The following NHSL1 variants were observed in gnomAD, a reference collection of about 807,000 sequenced individuals.
NHSL1 encodes the protein NHS like 1, also known as NHS-like protein 1.
In NHSL1, 48 loss-of-function variants were observed where a neutral mutation model predicts 95.0. The ratio of observed to expected loss-of-function variants is 0.51; its 90% CI spans 0.40 to 0.64. The LOEUF is 0.64. NHSL1 is among the 30% of genes least tolerant of loss of function. NHSL1 has a pLI of 0.00. For synonymous variants in NHSL1, 783 were observed against 833.9 expected, an observed-to-expected ratio of 0.94 and a Z score of 1.05; for missense variants, 1,971 against 2,077.7, an observed-to-expected ratio of 0.95 and a Z score of 1.00.
At chr6:138,499,579 G>T, upstream of NHSL1, 1 of 376,086 alleles carries the variant, frequency 2.7e-6, no homozygotes, top group South Asian at 5.2e-5. Context: ...GCCAATCACG[G>T]TTCTTATTTG....
chr6:138,603,153 A>G (rs553025124), intron 1 of NHSL1, among the ~76,000 whole-genome samples: 1 of 152,316 alleles, frequency 6.6e-6, no homozygotes, highest in Non-Finnish European at 1.5e-5. Context: ...AAAGCCAAAG[A>G]GTATATTGAG....
intron 1 of NHSL1, among the ~76,000 whole-genome samples, chr6:138,598,574 A>C (rs4316021): frequency 0.47 from 70,018 of 148,998 alleles, 18,791 homozygotes; most frequent in African/African-American, 0.73. Flanking sequence ...TGAGCCATGA[A>C]CATGCCACTG....
intron 1 of NHSL1, among the ~76,000 whole-genome samples, chr6:138,578,868 C>T (rs1379574633): frequency 6.6e-6 from 1 of 152,094 alleles, no homozygotes; most frequent in East Asian, 1.9e-4. Flanking sequence ...ACTATAATGC[C>T]CCTGAGGCCA....
chr6:138,429,997 G>C (rs758816501), intron 6 of NHSL1, among the ~76,000 whole-genome samples, 154 bp from the exon 7 acceptor site: 1 of 152,212 alleles, frequency 6.6e-6, no homozygotes, highest in Non-Finnish European at 1.5e-5. Context: ...TTACAAAGAA[G>C]GGAGGAAATG....
intron 2 of NHSL1, among the ~76,000 whole-genome samples, chr6:138,485,596 A>C (rs1356881026): frequency 6.6e-6 from 1 of 152,122 alleles, no homozygotes; most frequent in African/African-American, 2.4e-5. Flanking sequence ...CTTCTTTTGG[A>C]GTTACTGTAC....
chr6:138,677,534 C>A (rs1238515217), intron 1 of NHSL1, among the ~76,000 whole-genome samples: 1 of 152,200 alleles, frequency 6.6e-6, no homozygotes, highest in African/African-American at 2.4e-5. Flanking sequence ...TAAAACAAGA[C>A]TCACTGTTGC....
At chr6:138,437,443 CACAAAAAAAAAAAAAA>C (rs1334757260) in intron 5 of NHSL1, among the ~76,000 whole-genome samples, 29 of 41,598 alleles carry the variant, frequency 7.0e-4, no homozygotes, top group Admixed American at 2.2e-3. Context: ...CACACACACA[CACAAAAAAAAAAAAAA>C]AAAATACAAT....
At chr6:138,545,509 T>A in intron 1 of NHSL1, 2 of 734,702 alleles carry the variant, frequency 2.7e-6, no homozygotes, top group Non-Finnish European at 4.0e-6. Flanking sequence ...CTTACAAAAC[T>A]CCCTCAAACT....
chr6:138,429,834 G>A lies in NHSL1; in HGVS notation c.3962C>T (p.Pro1321Leu), dbSNP rs907532565. 4.5e-6 allele frequency: 7 copies of A among 1,551,026 alleles called. No individual in the cohort carries two copies. The highest frequency in any genetic ancestry group is 2.4e-5 in the South Asian group (2 of 83,962). Residue 1321 changes from proline to leucine, a missense_variant, in exon 7 of 8, where the codon CCG becomes CTG. This residue lies in a region of NHSL1 where 146 missense variants were observed against 206.3 expected (regional missense o/e 0.71). Transcript: ENST00000343505. ...GGATGAACCGGCTGCGTTGGTCTCC[G>A]GCACCCCAGCTACAGAAGAGCAGGC... ...LSQQDGAAGV[P>L]ETNAAGSSSE...
chr6:138,437,463 A>G (rs1267976631), intron 5 of NHSL1, among the ~76,000 whole-genome samples: 10 of 143,158 alleles, frequency 7.0e-5, no homozygotes, highest in Non-Finnish European at 1.4e-4. Context: ...AAAAAAAAAA[A>G]TACAATGCAC....
intron 4 of NHSL1, among the ~76,000 whole-genome samples, chr6:138,444,425 C>T (rs934763957): frequency 6.6e-5 from 10 of 152,086 alleles, no homozygotes; most frequent in African/African-American, 2.2e-4. Context: ...TTTATATGTA[C>T]ATATTAAGTA....
chr6:138,679,459 C>T (rs1431061578), intron 1 of NHSL1, among the ~76,000 whole-genome samples: 2 of 152,166 alleles, frequency 1.3e-5, no homozygotes, highest in Non-Finnish European at 2.9e-5. Flanking sequence ...TAATCTTAGA[C>T]ATAAAATATG....
chr6:138,528,976 T>C lies in NHSL1; in HGVS notation c.16+16647A>G, dbSNP rs1197244847. ...GAAGTAAACATCTCAAATGTCCTATTTTTTACAAAACACTTGGAAAAATTG... is the reference window on the plus strand; with the variant it reads ...GAAGTAAACATCTCAAATGTCCTATCTTTTACAAAACACTTGGAAAAATTG... On this transcript the variant is annotated intron_variant, in intron 1 of 4. Coordinates refer to the NHSL1 transcript ENST00000342260. Among the ~76,000 whole-genome samples the C allele has an allele frequency of 2.6e-5, 4 of 152,198 alleles. No individual in the cohort carries two copies. The South Asian group carries it at 8.3e-4, about 32-fold the overall frequency.
intron 1 of NHSL1, among the ~76,000 whole-genome samples, chr6:138,608,641 A>G (rs1220994401): frequency 2.6e-5 from 4 of 152,236 alleles, no homozygotes; most frequent in Non-Finnish European, 4.4e-5. Flanking sequence ...TTAACTTCCC[A>G]TAAAGAAAAT....
intron 3 of NHSL1, among the ~76,000 whole-genome samples, chr6:138,465,436 C>A (rs1778296856): frequency 6.6e-6 from 1 of 152,174 alleles, no homozygotes; most frequent in African/African-American, 2.4e-5. Context: ...TGGTCTCAGT[C>A]CTCAGTGCCG....
intron 1 of NHSL1, among the ~76,000 whole-genome samples, chr6:138,584,398 T>G (rs779397866): frequency 2.0e-5 from 3 of 152,144 alleles, no homozygotes; most frequent in Non-Finnish European, 2.9e-5. Flanking sequence ...TATCTTTGTA[T>G]GTTTTTCTCT....
intron 1 of NHSL1, among the ~76,000 whole-genome samples, chr6:138,519,107 C>T (rs1316042274): frequency 6.6e-6 from 1 of 152,004 alleles, no homozygotes; most frequent in African/African-American, 2.4e-5. Flanking sequence ...CCACAGCTAA[C>T]CATCTAATGG....
chr6:138,639,328 C>T (rs546140870), intron 1 of NHSL1, among the ~76,000 whole-genome samples: 37 of 151,866 alleles, frequency 2.4e-4, no homozygotes, highest in African/African-American at 8.7e-4. Flanking sequence ...AACTTTTATT[C>T]ATTGATTTTT....
intron 2 of NHSL1, among the ~76,000 whole-genome samples, chr6:138,481,440 T>A (rs1779413400): frequency 6.6e-6 from 1 of 152,224 alleles, no homozygotes; most frequent in African/African-American, 2.4e-5. Context: ...CATAAATTCT[T>A]CAAAGCAGTT....
Sources: allele counts gnomAD v4.1 joint callset (sites outside exome capture counted in the v4.1 genomes callset), GRCh38; gene constraint gnomAD v4.1.1; regional missense constraint gnomAD v4.1.1; transcripts MANE v1.5; gene names NCBI Gene and HGNC (gene_info 2026-07-23, HGNC 2026-07-21).